The following DCAF1 variants were observed in gnomAD, a reference collection of about 807,000 sequenced individuals.
DCAF1 encodes the protein DDB1 and CUL4 associated factor 1.
A neutral mutation model predicts 128.0 loss-of-function variants in DCAF1; 15 were observed. That is an observed-to-expected ratio of 0.12 (90% CI 0.08 to 0.18). The LOEUF (loss-of-function observed/expected upper bound fraction) is 0.18. Ranked by LOEUF, DCAF1 falls within the 10% of genes least tolerant of loss-of-function variation. DCAF1 has a pLI of 1.00. For synonymous variants in DCAF1, 610 were observed against 603.0 expected (o/e 1.01, Z -0.17); for missense variants, 988 against 1,649.5 (o/e 0.60, Z 6.95).
chr3:51,420,981 C>A lies in DCAF1; in HGVS notation c.1989G>T (p.Leu663Phe). The change falls in exon 15 of 25, where the codon TTG (leucine) becomes TTT (phenylalanine). Residue 663 changes from leucine to phenylalanine, a missense_variant. Leu to Phe is a conservative substitution (Grantham distance 22). Around this residue, in one of 11 missense-constraint regions of DCAF1, gnomAD observed 185 missense variants for 248.1 expected, o/e 0.75. Transcript: ENST00000684031. The surrounding 1 kb of genome is among the most constrained non-coding windows in gnomAD (Gnocchi z 6.5). The stretch of plus-strand genomic sequence containing the variant: ...TGAAGAACTCACCCTCAGCCACTCC[C>A]AAAATAATGCTGATACCTAATGGGA... ...TVSTVGISII[L>F]GVAEGEFFIH... is the part of the protein sequence containing the mutation. 1 of 1,611,776 alleles carries A rather than the reference C, an allele frequency of 6.2e-7. No individual in the cohort carries two copies. The highest frequency in any genetic ancestry group is 8.5e-7 in the Non-Finnish European group (1 of 1,178,394).
chr3:51,420,135 T>A lies in DCAF1; in HGVS notation c.2835A>T (p.Pro945=). The change falls in exon 15 of 25, where the codon CCA becomes CCT. Residue 945 remains proline, a synonymous_variant. Coordinates refer to ENST00000684031, the MANE Select transcript of DCAF1 (RefSeq NM_001387579.1). This position sits in a 1 kb window ranked among gnomAD's most constrained non-coding sequence, Gnocchi z 6.5. ...TCAAAGGGGAGTTGCCTGCATAAGA[T>A]GGGCCGGGCAGAGCTAGCGGACCCT... ...PPQGPLALPG[P]SYAGNSPLIG... 6.2e-7 allele frequency: 1 copy of A among 1,613,982 alleles called. No homozygotes were observed.
At chr3:51,490,464 G>A (rs1707501353) in intron 2 of DCAF1, among the ~76,000 whole-genome samples, 1 of 152,124 alleles carries the variant, frequency 6.6e-6, no homozygotes, top group South Asian at 2.1e-4. Context: ...CACAAGACTT[G>A]TATGCTGAAA....
In DCAF1 at chr3:51,421,332, C is replaced by T. The variant is rs541156774; in HGVS notation, c.1973-335G>A. On this transcript the variant is annotated intron_variant, in intron 14 of 24. Transcript: ENST00000684031. ...AGTGCAGTGGCGTGATCTTGGCTCACTGCAACCTCCGCCTCCCGAGTTCAA... is the reference window on the plus strand; with the variant it reads ...AGTGCAGTGGCGTGATCTTGGCTCATTGCAACCTCCGCCTCCCGAGTTCAA... Among the ~76,000 whole-genome samples, 74 of 152,336 alleles carry T rather than the reference C, an allele frequency of 4.9e-4. No homozygotes were observed. The Middle Eastern group carries it at 0.01, about 21-fold the overall frequency.
chr3:51,479,419 A>G lies in DCAF1; in HGVS notation c.110+4300T>C, dbSNP rs1413780609. ...TCCAGAAGCTGAGGTGGGAGAATCA[A>G]CTAAGCCCAGGAAGTTGAGGTTGCA... On this transcript the variant is annotated intron_variant, in intron 3 of 24. Coordinates refer to ENST00000684031, the MANE Select transcript of DCAF1 (RefSeq NM_001387579.1). Among the ~76,000 whole-genome samples the G allele has an allele frequency of 2.0e-5, 3 of 152,154 alleles. No homozygotes were observed. The South Asian group carries it at 6.2e-4, about 32-fold the overall frequency.
chr3:51,465,907 A>C (rs1553646287), intron 5 of DCAF1, among the ~76,000 whole-genome samples: 1 of 152,084 alleles, frequency 6.6e-6, no homozygotes, highest in African/African-American at 2.4e-5. Context: ...GACTAGAAAA[A>C]TAAGGCTGCG....
chr3:51,416,861 T>A lies in DCAF1; in HGVS notation c.3529A>T (p.Thr1177Ser), dbSNP rs782424280. 5 of 1,608,684 alleles carry A rather than the reference T, an allele frequency of 3.1e-6. No homozygotes were observed. Among genetic ancestry groups the A allele is most frequent in the Non-Finnish European group, 4.2e-6 (5 of 1,177,360 alleles). The change falls in exon 18 of 25, where the codon ACA becomes TCA. Residue 1177 changes from threonine to serine, a missense_variant. Physicochemically the swap from Thr to Ser is moderately conservative, Grantham distance 58. This residue lies in a region of DCAF1 where 61 missense variants were observed against 78.3 expected (regional missense o/e 0.78). Transcript: ENST00000684031. ...KSVFDMKHSF[T>S]EDHYVEFSKH... ...CTGAACTCAACATAGTGATCTTCTG[T>A]GAAGGAATGCCTATGGACAAACAAC...
chr3:51,423,975 T>C (rs1048563654), intron 13 of DCAF1, among the ~76,000 whole-genome samples: 1 of 152,082 alleles, frequency 6.6e-6, no homozygotes, highest in Non-Finnish European at 1.5e-5. Flanking sequence ...CTACAGCCAT[T>C]GACAATCATT....
rs1270961795 is a variant in DCAF1 at position 51,429,292 on chromosome 3, C to T, written c.1646G>A (p.Gly549Asp). 2 of 779,652 alleles carry T rather than the reference C, an allele frequency of 2.6e-6. No homozygotes were observed. The highest frequency in any genetic ancestry group is 4.8e-6 in the Non-Finnish European group (2 of 417,560). The allele number at this position is 779,652 out of a possible 1,614,324, so 48.3% of individuals were successfully genotyped here. A position where few individuals can be genotyped will look rare whatever the true frequency, so the allele number is the denominator to read the frequency against. The stretch of plus-strand genomic sequence containing the variant: ...CGGGGGTTGTGGGTGGACAAGAATG[C>T]CACCCTCAGTCCTCTGAAGTGACTG... ...VKQSLQRTEG[G>D]ILVHPQPPYK... The change falls in exon 12 of 25, where the codon GGC (glycine) becomes GAC (aspartate). Residue 549 changes from glycine (G) to aspartate (D), a missense_variant. Physicochemically the swap from Gly to Asp is moderately conservative, Grantham distance 94. Transcript: ENST00000684031.
intron 3 of DCAF1, among the ~76,000 whole-genome samples, chr3:51,477,426 AC>A (rs1365130865): frequency 6.6e-6 from 1 of 150,558 alleles, no homozygotes; most frequent in African/African-American, 2.4e-5. Context: ...AAATAAACTG[AC>A]CAGCCTGGGC....
intron 9 of DCAF1, among the ~76,000 whole-genome samples, chr3:51,437,826 T>A (rs1577142538): frequency 6.7e-6 from 1 of 149,366 alleles, no homozygotes; most frequent in East Asian, 2.0e-4. Context: ...AAAAAAACAA[T>A]AAATAAAATA....
chr3:51,403,559 G>A (rs1553625689), intron 23 of DCAF1, among the ~76,000 whole-genome samples, 164 bp from the exon 24 acceptor site: 1 of 152,218 alleles, frequency 6.6e-6, no homozygotes, highest in Non-Finnish European at 1.5e-5. Context: ...GTCAGTGATG[G>A]CTGAGATAGG....
At chr3:51,429,602 A>T in intron 11 of DCAF1, 132 bp from the exon 12 acceptor site, 1 of 630,146 alleles carries the variant, frequency 1.6e-6, no homozygotes, top group Admixed American at 2.6e-5. Context: ...ATGTATCAGT[A>T]AACTTTTATG....
At chr3:51,449,800 T>C (rs1245523930) in intron 6 of DCAF1, among the ~76,000 whole-genome samples, 1 of 151,896 alleles carries the variant, frequency 6.6e-6, no homozygotes, top group African/African-American at 2.4e-5. Flanking sequence ...GCAACAGAAA[T>C]GAAACAGGCC....
intron 23 of DCAF1, among the ~76,000 whole-genome samples, chr3:51,409,337 G>A (rs1698190529): frequency 6.6e-6 from 1 of 152,024 alleles, no homozygotes; most frequent in African/African-American, 2.4e-5. Context: ...AGAATAAGGC[G>A]AACCCAGAGA....
At chr3:51,448,747 C>G (rs1177453818) in intron 6 of DCAF1, among the ~76,000 whole-genome samples, 1 of 152,200 alleles carries the variant, frequency 6.6e-6, no homozygotes, top group Non-Finnish European at 1.5e-5. Flanking sequence ...GTACCCCTCA[C>G]TTTCAATTAC....
intron 24 of DCAF1, among the ~76,000 whole-genome samples, chr3:51,401,297 A>G (rs904731330): frequency 6.6e-6 from 1 of 152,150 alleles, no homozygotes; most frequent in South Asian, 2.1e-4. Flanking sequence ...CTTTCACCCT[A>G]TCCTAAAAGG....
At chr3:51,493,227 CCT>C (rs1707858876) in intron 2 of DCAF1, among the ~76,000 whole-genome samples, 1 of 151,096 alleles carries the variant, frequency 6.6e-6, no homozygotes, top group African/African-American at 2.4e-5. Flanking sequence ...GGGCAGATCT[CCT>C]GAGGTCGGGA....
rs1479642367 is a variant in DCAF1, at chr3:51,403,360, TTCA to T, written c.4245_4247del (p.Asp1415del). ...CTAAATCATCGGTGTCATCATCATC[TTCA>T]TCATCATCTTCTTCCTCCTGTTCTT... On this transcript the variant is annotated inframe_deletion, in exon 24 of 25. Transcript: ENST00000684031. The T allele has an allele frequency of 6.4e-7, 1 of 1,553,558 alleles. No homozygotes were observed. The highest frequency in any genetic ancestry group is 8.7e-7 in the Non-Finnish European group (1 of 1,147,852).
At position 51,436,510 on chromosome 3, in the gene DCAF1, G is replaced by T. The variant is rs982425277; in HGVS notation, c.1129-3246C>A. 4 of 488,014 alleles carry T rather than the reference G, an allele frequency of 8.2e-6. No individual in the cohort carries two copies. The East Asian group carries it at 2.3e-4, about 28-fold the overall frequency. The allele number at this position is 488,014 out of a possible 1,614,324, so 30.2% of individuals were successfully genotyped here. A position where few individuals can be genotyped will look rare whatever the true frequency, so the allele number is the denominator to read the frequency against. On this transcript the variant is annotated intron_variant, in intron 9 of 24. Transcript: ENST00000684031. ...CTTGCTAGTAATTTTATGCAGCAGG[G>T]TGAAAAAGCTACCCTATGCTAGGAT...
Sources: gnomAD v4.1 joint callset for allele counts (sites outside exome capture counted in the v4.1 genomes callset) on GRCh38, gnomAD v4.1.1 for gene constraint, gnomAD v4.1.1 regional missense constraint, Gnocchi (gnomAD v3.1) non-coding constraint, MANE v1.5 for transcripts, NCBI Gene and HGNC (gene_info 2026-07-23, HGNC 2026-07-21) for gene names.